Variants in IRF2 observed in about 807,000 individuals in gnomAD.
The protein encoded by IRF2 is interferon regulatory factor 2.
IRF2 carries 15 observed loss-of-function variants against 40.6 expected under a neutral mutation model. That is an observed-to-expected ratio of 0.37 (90% CI 0.25 to 0.57). The LOEUF (loss-of-function observed/expected upper bound fraction) is 0.57, where lower values mean the gene tolerates loss of function less well. Ranked by LOEUF, IRF2 falls within the 20% of genes least tolerant of loss-of-function variation. The probability of loss-of-function intolerance (pLI) is 0.77; values close to 1 mark genes in which losing one functional copy is unlikely to be tolerated. For missense variants in IRF2, 317 were observed against 455.7 expected (o/e 0.70, Z 2.77); for synonymous variants, 151 against 165.5 (o/e 0.91, Z 0.67).
chr4:184,430,313 C>T (rs1737827819), intron 1 of IRF2, among the ~76,000 whole-genome samples: 1 of 132,040 alleles, frequency 7.6e-6, no homozygotes, highest in South Asian at 2.3e-4. Context: ...TTGTATGCCT[C>T]CTGCAGTCTG....
chr4:184,408,394 G>A lies in IRF2; in HGVS notation c.412-119C>T, dbSNP rs1178068680. 18 of 704,594 alleles carry A rather than the reference G, an allele frequency of 2.6e-5. No homozygotes were observed. Among genetic ancestry groups the A allele is most frequent in the South Asian group, 2.0e-4 (12 of 59,908 alleles). 43.6% of individuals were successfully genotyped at this position (704,594 alleles called of 1,614,324 possible). On this transcript the variant is annotated intron_variant, in intron 5 of 8. Coordinates refer to ENST00000393593, the MANE Select transcript of IRF2 (RefSeq NM_002199.4). The surrounding 1 kb of genome is among the most constrained non-coding windows in gnomAD (Gnocchi z 4.9). ...CTAGGGTCATTCATGTTCAGCTGCCGAATACATTCATCCCCTGCTTCTTTA... is the reference window on the plus strand; with the variant it reads ...CTAGGGTCATTCATGTTCAGCTGCCAAATACATTCATCCCCTGCTTCTTTA...
In IRF2 at chr4:184,448,640, C is replaced by G. The variant is rs1418669061; in HGVS notation, c.-6-19570G>C. 2 of 152,138 alleles carry G rather than the reference C, an allele frequency of 1.3e-5. No individual in the cohort carries two copies. The highest frequency in any genetic ancestry group is 4.8e-5 in the African/African-American group (2 of 41,420). 9.4% of individuals were successfully genotyped at this position (152,138 alleles called of 1,614,324 possible). On this transcript the variant is annotated intron_variant, in intron 1 of 8. Coordinates refer to ENST00000393593, the MANE Select transcript of IRF2 (RefSeq NM_002199.4). This position sits in a 1 kb window ranked among gnomAD's most constrained non-coding sequence, Gnocchi z 4.3. The stretch of plus-strand genomic sequence containing the variant: ...TGGTTTCCAAGTCACTCTGCCTCAC[C>G]TCAAAGTTAAGGTGGAAGAAAAACC...
chr4:184,420,847 A>G (rs1194017562), intron 2 of IRF2, among the ~76,000 whole-genome samples: 1 of 152,236 alleles, frequency 6.6e-6, no homozygotes, highest in Non-Finnish European at 1.5e-5. Flanking sequence ...GATTTTAACT[A>G]TTTAGTCAAG....
intron 1 of IRF2, among the ~76,000 whole-genome samples, chr4:184,454,766 A>G (rs1476492626): frequency 6.6e-6 from 1 of 152,172 alleles, no homozygotes; most frequent in African/African-American, 2.4e-5. Context: ...ACAACCTTCA[A>G]CTTCGCCAAG....
chr4:184,471,162 C>A (rs1739500555), intron 1 of IRF2, among the ~76,000 whole-genome samples: 1 of 152,198 alleles, frequency 6.6e-6, no homozygotes, highest in Non-Finnish European at 1.5e-5. Flanking sequence ...ATGCCTTACA[C>A]ATTTGTAGAC....
intron 8 of IRF2, 23 bp from the exon 9 acceptor site, chr4:184,389,089 A>G (rs1479212205): frequency 1.2e-6 from 2 of 1,608,706 alleles, no homozygotes; most frequent in South Asian, 2.2e-5. Context: ...TAATTAAGAT[A>G]TGTATTTCCT....
At chr4:184,401,383 T>C (rs1370679656) in intron 6 of IRF2, among the ~76,000 whole-genome samples, 1 of 152,112 alleles carries the variant, frequency 6.6e-6, no homozygotes, top group Non-Finnish European at 1.5e-5. Flanking sequence ...AGAAAGGGGA[T>C]TTGGGGCTGT....
intron 2 of IRF2, among the ~76,000 whole-genome samples, chr4:184,424,815 T>C (rs1355618583): frequency 6.6e-6 from 1 of 152,226 alleles, no homozygotes; most frequent in African/African-American, 2.4e-5. Context: ...CTTTCTCTCT[T>C]ACTAAGAATG....
intron 1 of IRF2, among the ~76,000 whole-genome samples, chr4:184,461,052 A>G (rs1739126296): frequency 6.6e-6 from 1 of 152,244 alleles, no homozygotes; most frequent in South Asian, 2.1e-4. Flanking sequence ...GATATCTTTC[A>G]TCAGCTTCCT....
At chr4:184,394,637 A>G (rs1189412801) in intron 7 of IRF2, among the ~76,000 whole-genome samples, 1 of 151,768 alleles carries the variant, frequency 6.6e-6, no homozygotes, top group East Asian at 1.9e-4. Flanking sequence ...GGCGATCTCC[A>G]CTCTCTCATT....
intron 1 of IRF2, among the ~76,000 whole-genome samples, chr4:184,456,244 T>C (rs1738927987): frequency 6.6e-6 from 1 of 152,178 alleles, no homozygotes; most frequent in Non-Finnish European, 1.5e-5. Flanking sequence ...CAAAGGCCTA[T>C]GGGGAAGTTT....
chr4:184,472,001 G>A (rs1438214595), intron 1 of IRF2: 1 of 152,156 alleles, frequency 6.6e-6, no homozygotes, highest in Non-Finnish European at 1.5e-5. Context: ...GGATCTAAGA[G>A]ACCAAAATGT....
chr4:184,421,939 G>A (rs1192597799), intron 2 of IRF2, among the ~76,000 whole-genome samples: 1 of 152,178 alleles, frequency 6.6e-6, no homozygotes, highest in South Asian at 2.1e-4. Flanking sequence ...TCTGGTGGAC[G>A]GTGTTTGGGT....
intron 2 of IRF2, among the ~76,000 whole-genome samples, chr4:184,423,368 A>G (rs1347053266): frequency 6.6e-6 from 1 of 152,224 alleles, no homozygotes; most frequent in African/African-American, 2.4e-5. Context: ...AGCATCTGAC[A>G]TTATTTTGAG....
chr4:184,390,666 C>T (rs373061829), intron 8 of IRF2, 37 bp downstream of exon 8: 2 of 1,612,132 alleles, frequency 1.2e-6, no homozygotes, highest in Non-Finnish European at 1.7e-6. Context: ...GAGGCTTTTC[C>T]TTGGCAGCAT....
intron 1 of IRF2, among the ~76,000 whole-genome samples, chr4:184,445,974 G>A (rs1299721696): frequency 6.6e-6 from 1 of 152,122 alleles, no homozygotes; most frequent in East Asian, 1.9e-4. Context: ...TTAAGAAGAG[G>A]GAAACTTGGA....
At chr4:184,437,859 C>T (rs559341250) in intron 1 of IRF2, among the ~76,000 whole-genome samples, 9 of 150,906 alleles carry the variant, frequency 6.0e-5, no homozygotes, top group Non-Finnish European at 1.0e-4. Context: ...CCCACACACA[C>T]GATGACACGC....
rs111680592 is a variant in IRF2 at position 184,418,737 on chromosome 4, A to T, written c.188-29T>A. 4,655 of 1,588,524 alleles carry T rather than the reference A, an allele frequency of 2.9e-3. 111 individuals carry two copies. The African/African-American group carries it at 0.056, about 19-fold the overall frequency. On this transcript the variant is annotated intron_variant, in intron 3 of 8. Coordinates refer to ENST00000393593, the MANE Select transcript of IRF2 (RefSeq NM_002199.4). ...ACAAAAGAGACAAAGATTAAGAAAA[A>T]GAGAGAAAACATTAGATACAGAGGA...
At chr4:184,456,802 G>C (rs1191001034) in intron 1 of IRF2, among the ~76,000 whole-genome samples, 3 of 152,228 alleles carry the variant, frequency 2.0e-5, no homozygotes, top group Admixed American at 2.0e-4. Flanking sequence ...CCTGTGGCTC[G>C]GCCCTCCACA....
Sources: gnomAD v4.1 joint callset for allele counts (sites outside exome capture counted in the v4.1 genomes callset) on GRCh38, gnomAD v4.1.1 for gene constraint, Gnocchi (gnomAD v3.1) non-coding constraint, MANE v1.5 for transcripts, NCBI Gene and HGNC (gene_info 2026-07-23, HGNC 2026-07-21) for gene names.